The following CADPS2 variants were observed in gnomAD, a reference collection of about 807,000 sequenced individuals.
CADPS2 encodes calcium dependent secretion activator 2.
CADPS2 carries 93 observed loss-of-function variants against 172.5 expected under a neutral mutation model. The ratio of observed to expected loss-of-function variants is 0.54; its 90% CI spans 0.46 to 0.64. The LOEUF (loss-of-function observed/expected upper bound fraction) is 0.64, where lower values mean the gene tolerates loss of function less well. CADPS2 is among the 30% of genes least tolerant of loss of function. The pLI, the probability that CADPS2 is intolerant of heterozygous loss-of-function variation, is 0.00. For missense variants in CADPS2, 1,420 were observed against 1,565.9 expected, an observed-to-expected ratio of 0.91 and a Z score of 1.57; for synonymous variants, 546 against 555.2, an observed-to-expected ratio of 0.98 and a Z score of 0.23.
chr7:122,556,338 T>G (rs551892100), intron 7 of CADPS2, among the ~76,000 whole-genome samples: 1 of 152,238 alleles, frequency 6.6e-6, no homozygotes, highest in East Asian at 1.9e-4. Flanking sequence ...CCTCTGTAGC[T>G]ATAGCTGCTA....
At chr7:122,684,526 C>A (rs2083423241) in intron 2 of CADPS2, among the ~76,000 whole-genome samples, 1 of 151,606 alleles carries the variant, frequency 6.6e-6, no homozygotes, top group African/African-American at 2.4e-5. Context: ...CAACCCAATC[C>A]TTCATCAATT....
At chr7:122,556,037 T>C (rs1441869312) in intron 7 of CADPS2, among the ~76,000 whole-genome samples, 6 of 152,106 alleles carry the variant, frequency 3.9e-5, no homozygotes, top group Non-Finnish European at 4.4e-5. Context: ...AAGTCCTTCC[T>C]ATAAAGCCAT....
At chr7:122,499,461 A>G (rs1224038202) in intron 9 of CADPS2, among the ~76,000 whole-genome samples, 1 of 152,118 alleles carries the variant, frequency 6.6e-6, no homozygotes, top group African/African-American at 2.4e-5. Flanking sequence ...CACTTGACCT[A>G]CGTATTTAAA....
intron 8 of CADPS2, among the ~76,000 whole-genome samples, chr7:122,551,140 T>C (rs915034764): frequency 6.6e-6 from 1 of 152,234 alleles, no homozygotes; most frequent in Admixed American, 6.5e-5. Flanking sequence ...AAAAAAATAG[T>C]CATATTAAAA....
chr7:122,740,488 TCTGGACAAGGCAA>T (rs1331280218), intron 1 of CADPS2, among the ~76,000 whole-genome samples: 1 of 152,056 alleles, frequency 6.6e-6, no homozygotes, highest in Admixed American at 6.6e-5. Context: ...GATATGACAT[TCTGGACAAGGCAA>T]AGCTATGGAG....
rs73218234 is a variant in CADPS2 at position 122,593,133 on chromosome 7, A to T, written c.1224-11843T>A. 6.5e-3 allele frequency among the ~76,000 whole-genome samples: 989 copies of T among 152,122 alleles called. 5 individuals are homozygous for T. The highest frequency in any genetic ancestry group is 0.01 in the Middle Eastern group (3 of 294). On this transcript the variant is annotated intron_variant, in intron 6 of 29. Coordinates refer to ENST00000449022, the MANE Select transcript of CADPS2 (RefSeq NM_017954.11). ...GAATGGCTTTCTAGGCCATGAGGAT[A>T]ACATTCATCCCACAAATCACACTGT... is the stretch of plus-strand genomic sequence containing the variant.
intron 22 of CADPS2, 60 bp from the exon 23 acceptor site, chr7:122,388,798 T>C (rs2044007554): frequency 7.1e-7 from 1 of 1,414,124 alleles, no homozygotes. Flanking sequence ...ATACCATTAA[T>C]ACATTGTTTT....
At chr7:122,620,232 A>G (rs1197576795) in intron 5 of CADPS2, among the ~76,000 whole-genome samples, 1 of 152,240 alleles carries the variant, frequency 6.6e-6, no homozygotes, top group Non-Finnish European at 1.5e-5. Context: ...ATAAGCCTCA[A>G]TATAATTTTT....
intron 14 of CADPS2, among the ~76,000 whole-genome samples, chr7:122,454,133 G>A (rs2053471709): frequency 6.6e-6 from 1 of 152,150 alleles, no homozygotes; most frequent in Non-Finnish European, 1.5e-5. Flanking sequence ...TTCCCGATAA[G>A]TGCAAATACT....
chr7:122,876,654 C>T (rs1251366813), intron 1 of CADPS2, among the ~76,000 whole-genome samples: 1 of 152,066 alleles, frequency 6.6e-6, no homozygotes, highest in Non-Finnish European at 1.5e-5. Flanking sequence ...TTAGCCACTG[C>T]ACTCCACCAT....
chr7:122,741,506 C>T (rs562427311), intron 1 of CADPS2, among the ~76,000 whole-genome samples: 8 of 152,230 alleles, frequency 5.3e-5, no homozygotes, highest in Middle Eastern at 3.4e-3. Flanking sequence ...CTATCCTACA[C>T]GGAGACTGGA....
chr7:122,514,038 A>T (rs1310114819), intron 8 of CADPS2, among the ~76,000 whole-genome samples: 1 of 152,194 alleles, frequency 6.6e-6, no homozygotes, highest in Non-Finnish European at 1.5e-5. Context: ...TCATTTGAGA[A>T]TATTATTCTT....
At chr7:122,350,195 AAGG>A (rs879521349) in intron 27 of CADPS2, among the ~76,000 whole-genome samples, 1 of 152,180 alleles carries the variant, frequency 6.6e-6, no homozygotes, top group Non-Finnish European at 1.5e-5. Context: ...TTTGAGAAAA[AAGG>A]ATCATGTAAG....
intron 3 of CADPS2, among the ~76,000 whole-genome samples, chr7:122,661,462 TAGTATATTCTAATCCATATGTAATA>T (rs1436670583): frequency 3.9e-5 from 6 of 152,192 alleles, no homozygotes. Flanking sequence ...TTGTAACATC[TAGTATATTCTAATCCATATGTAATA>T]ACTCATTTAG....
At chr7:122,832,833 T>C (rs1807011324) in intron 1 of CADPS2, among the ~76,000 whole-genome samples, 1 of 152,206 alleles carries the variant, frequency 6.6e-6, no homozygotes, top group Non-Finnish European at 1.5e-5. Flanking sequence ...CCTTTTTCTA[T>C]GAAATGAAGC....
chr7:122,434,485 A>G (rs531168426), intron 17 of CADPS2, among the ~76,000 whole-genome samples: 1 of 152,268 alleles, frequency 6.6e-6, no homozygotes, highest in African/African-American at 2.4e-5. Flanking sequence ...CTCTCACTTC[A>G]TTGTTTTCAG....
chr7:122,750,882 AG>A (rs1290636914), intron 1 of CADPS2, among the ~76,000 whole-genome samples: 1 of 152,134 alleles, frequency 6.6e-6, no homozygotes, highest in African/African-American at 2.4e-5. Context: ...GATTTTCTGG[AG>A]ATGGTAATTA....
chr7:122,874,999 G>A (rs529831594), intron 1 of CADPS2, among the ~76,000 whole-genome samples: 96 of 152,198 alleles, frequency 6.3e-4, no homozygotes, highest in African/African-American at 2.1e-3. Flanking sequence ...CAGAAAATAA[G>A]ATTAAACATA....
chr7:122,602,961 T>G (rs779102521), intron 6 of CADPS2, among the ~76,000 whole-genome samples: 1 of 152,092 alleles, frequency 6.6e-6, no homozygotes. Flanking sequence ...GGTGCCAACA[T>G]GGAAGACATG....
Sources: allele counts gnomAD v4.1 joint callset (sites outside exome capture counted in the v4.1 genomes callset), GRCh38; gene constraint gnomAD v4.1.1; transcripts MANE v1.5; gene names NCBI Gene and HGNC (gene_info 2026-07-23, HGNC 2026-07-21).